ANKRD11: variants seen among roughly 807,000 people sequenced by gnomAD.
ANKRD11 encodes the protein ankyrin repeat domain-containing protein 11.
A neutral mutation model predicts 195.7 loss-of-function variants in ANKRD11; 17 were observed. The observed-to-expected ratio is 0.09, with a 90% CI of 0.06 to 0.13. ANKRD11 has a LOEUF of 0.13. ANKRD11 is among the 10% of genes least tolerant of loss of function. The probability of loss-of-function intolerance (pLI) is 1.00; values close to 1 mark genes in which losing one functional copy is unlikely to be tolerated. For synonymous variants in ANKRD11, 1,953 were observed against 1,528.1 expected, an observed-to-expected ratio of 1.28 and a Z score of -6.49; for missense variants, 3,735 against 3,566.1, an observed-to-expected ratio of 1.05 and a Z score of -1.21.
rs181480282 is a variant in ANKRD11, at chr16:89,348,360, C to G, written c.-59-31282G>C. Among the ~76,000 whole-genome samples, 326 of 152,290 alleles carry G rather than the reference C, an allele frequency of 2.1e-3. 2 individuals are homozygous for G. Among genetic ancestry groups the G allele is most frequent in the Middle Eastern group, 6.8e-3 (2 of 294 alleles). ...ATTTGAACTTCTGAGATAAACCCCG[C>G]TTGCTCATGAGGTATCGCTATCCTT... On this transcript the variant is annotated intron_variant, in intron 2 of 12. Coordinates refer to ENST00000301030, the MANE Select transcript of ANKRD11 (RefSeq NM_013275.6).
At chr16:89,360,998 G>A (rs1200817474) in intron 2 of ANKRD11, among the ~76,000 whole-genome samples, 2 of 152,136 alleles carry the variant, frequency 1.3e-5, no homozygotes, top group South Asian at 2.1e-4. Context: ...AGATGGATCC[G>A]ATCCAACTCA....
intron 1 of ANKRD11, among the ~76,000 whole-genome samples, chr16:89,434,155 C>T (rs868761981): frequency 6.6e-6 from 1 of 152,270 alleles, no homozygotes; most frequent in African/African-American, 2.4e-5. Context: ...GGCAGCAGCA[C>T]CCCAGTGCCT....
intron 2 of ANKRD11, among the ~76,000 whole-genome samples, chr16:89,319,266 A>C (rs930662926): frequency 5.9e-5 from 9 of 152,156 alleles, no homozygotes; most frequent in Admixed American, 5.9e-4. Context: ...TGCGGGGCTT[A>C]TCACTTCACT....
chr16:89,291,782 A>C lies in ANKRD11; in HGVS notation c.227-599T>G. 7.8e-7 allele frequency: 1 copy of C among 1,289,662 alleles called. No individual in the cohort carries two copies. Among genetic ancestry groups the C allele is most frequent in the Non-Finnish European group, 1.0e-6 (1 of 988,778 alleles). 79.9% of individuals were successfully genotyped at this position (1,289,662 alleles called of 1,614,324 possible). On this transcript the variant is annotated intron_variant, in intron 4 of 12. Transcript: ENST00000301030. This position sits in a 1 kb window ranked among gnomAD's most constrained non-coding sequence, Gnocchi z 5.3. ...CAGGGACTGGGCTGGAGGCATCTGA[A>C]GGCATCAACACAGAGCACTAACAAG...
chr16:89,452,455 CCTTT>C (rs1185644590), intron 1 of ANKRD11, among the ~76,000 whole-genome samples: 2 of 152,204 alleles, frequency 1.3e-5, no homozygotes, highest in South Asian at 2.1e-4. Flanking sequence ...ACTAGTAACA[CCTTT>C]CTGTTAGAAA....
At chr16:89,325,496 G>C (rs1011743488) in intron 2 of ANKRD11, among the ~76,000 whole-genome samples, 1 of 146,292 alleles carries the variant, frequency 6.8e-6, no homozygotes, top group Non-Finnish European at 1.5e-5. Context: ...CACACACACA[G>C]AGTAATAATG....
At chr16:89,483,445 G>A (rs1192652806) in intron 1 of ANKRD11, among the ~76,000 whole-genome samples, 2 of 152,202 alleles carry the variant, frequency 1.3e-5, no homozygotes, top group Non-Finnish European at 2.9e-5. Flanking sequence ...GTAAGTGCAA[G>A]CGTGCATCAC....
Position 89,462,877 on chromosome 16 carries a change from C to T in ANKRD11, c.-145+27368G>A, listed in dbSNP as rs553785758. 4.8e-3 allele frequency among the ~76,000 whole-genome samples: 734 copies of T among 151,804 alleles called. 5 individuals are homozygous for T. The highest frequency in any genetic ancestry group is 0.017 in the African/African-American group (708 of 41,388). On this transcript the variant is annotated intron_variant, in intron 1 of 12. Transcript: ENST00000301030. Reference sequence around the variant, plus strand: ...GTGAGGAGCGTCTCCGCCCAGCAGCCGCCCCATCCGGGAGGGAGGTGAGGG... The same window carrying T: ...GTGAGGAGCGTCTCCGCCCAGCAGCTGCCCCATCCGGGAGGGAGGTGAGGG...
intron 4 of ANKRD11, among the ~76,000 whole-genome samples, chr16:89,296,505 T>C (rs1215769101): frequency 6.6e-6 from 1 of 152,264 alleles, no homozygotes; most frequent in African/African-American, 2.4e-5. Context: ...AGCTACATCA[T>C]CTGCTCACTG....
chr16:89,367,373 T>C (rs2039993654), intron 2 of ANKRD11, among the ~76,000 whole-genome samples: 1 of 152,194 alleles, frequency 6.6e-6, no homozygotes, highest in African/African-American at 2.4e-5. Flanking sequence ...CCACCACTGC[T>C]TCCACTGGGG....
At chr16:89,398,992 G>GT (rs993929708) in intron 2 of ANKRD11, among the ~76,000 whole-genome samples, 1 of 152,162 alleles carries the variant, frequency 6.6e-6, no homozygotes, top group African/African-American at 2.4e-5. Flanking sequence ...AGCATCATCA[G>GT]TTTTTTAAAA....
chr16:89,429,902 G>A (rs1340661664), intron 1 of ANKRD11, among the ~76,000 whole-genome samples: 1 of 71,674 alleles, frequency 1.4e-5, no homozygotes, highest in South Asian at 5.4e-4. Context: ...CAACTCTCGC[G>A]CTCAGACGTT....
chr16:89,398,282 C>T (rs546634409), intron 2 of ANKRD11, among the ~76,000 whole-genome samples: 71 of 147,142 alleles, frequency 4.8e-4, no homozygotes, highest in African/African-American at 1.7e-3. Context: ...TTACCTGTGA[C>T]CTCAGCACTC....
intron 1 of ANKRD11, among the ~76,000 whole-genome samples, chr16:89,423,888 G>GC (rs2042612123): frequency 6.6e-6 from 1 of 152,200 alleles, no homozygotes; most frequent in African/African-American, 2.4e-5. Context: ...AGAGGGGTCA[G>GC]CCCATAAATG....
rs182088203 is a variant in ANKRD11, at chr16:89,393,885, G to T, written c.-60+24399C>A. 7.6e-4 allele frequency among the ~76,000 whole-genome samples: 115 copies of T among 152,258 alleles called. 5 individuals carry two copies. Among genetic ancestry groups the T allele is most frequent in the East Asian group, 6.0e-3 (31 of 5,186 alleles). Reference sequence around the variant, plus strand: ...ATGCTGATCTGCATGAGGAAAATGTGTCAAAAAACAAAAGCCAAAAAGTCA... The same window carrying T: ...ATGCTGATCTGCATGAGGAAAATGTTTCAAAAAACAAAAGCCAAAAAGTCA... On this transcript the variant is annotated intron_variant, in intron 2 of 12. Transcript: ENST00000301030.
intron 1 of ANKRD11, among the ~76,000 whole-genome samples, chr16:89,484,743 G>A (rs1183864757): frequency 2.6e-5 from 4 of 152,136 alleles, no homozygotes; most frequent in South Asian, 2.1e-4. Flanking sequence ...AAGTAATGAA[G>A]GGGAAAGTCT....
chr16:89,352,532 G>A (rs148811622), intron 2 of ANKRD11, among the ~76,000 whole-genome samples: 93 of 152,284 alleles, frequency 6.1e-4, no homozygotes, highest in African/African-American at 2.1e-3. Flanking sequence ...CACAGTGAGC[G>A]AGCCCTGCCC....
chr16:89,384,002 C>T (rs1019238513), intron 2 of ANKRD11, among the ~76,000 whole-genome samples: 1 of 152,138 alleles, frequency 6.6e-6, no homozygotes, highest in African/African-American at 2.4e-5. Flanking sequence ...GGCAGGTCAC[C>T]TGAGCTCAGC....
At position 89,404,570 on chromosome 16, in the gene ANKRD11, T is replaced by C. The variant is rs144124835; in HGVS notation, c.-60+13714A>G. 9.1e-3 allele frequency among the ~76,000 whole-genome samples: 1,385 copies of C among 152,372 alleles called. 30 individuals carry two copies. The highest frequency in any genetic ancestry group is 0.032 in the African/African-American group (1,312 of 41,592). ...AAGGAAAAGCTGCTTTTGAAAACAC[T>C]GTTGACTCGCAAAGTTACCAGCACT... is the stretch of plus-strand genomic sequence containing the variant. On this transcript the variant is annotated intron_variant, in intron 2 of 12. Transcript: ENST00000301030.
Sources: allele counts gnomAD v4.1 joint callset (sites outside exome capture counted in the v4.1 genomes callset), GRCh38; gene constraint gnomAD v4.1.1; non-coding constraint Gnocchi (gnomAD v3.1); transcripts MANE v1.5; gene names NCBI Gene and HGNC (gene_info 2026-07-23, HGNC 2026-07-21).